Variants in IKZF1 observed in about 807,000 individuals in gnomAD.
IKZF1 encodes DNA-binding protein Ikaros.
Under a neutral mutation model 51.7 loss-of-function variants are expected in IKZF1, and 10 were observed. That is an observed-to-expected ratio of 0.19 (90% CI 0.12 to 0.33). The LOEUF (loss-of-function observed/expected upper bound fraction) is 0.33. Among genes scored for constraint, IKZF1 ranks in the 10% least tolerant of loss-of-function variants. The pLI is 1.00. For missense variants in IKZF1, 484 were observed against 707.5 expected (o/e 0.68, Z 3.58); for synonymous variants, 280 against 282.3 (o/e 0.99, Z 0.08).
At chr7:50,331,270 G>T (rs1456252715) in intron 3 of IKZF1, among the ~76,000 whole-genome samples, 1 of 151,932 alleles carries the variant, frequency 6.6e-6, no homozygotes, top group Non-Finnish European at 1.5e-5. Flanking sequence ...AAAAAAAATG[G>T]TCCAAAGAAT....
chr7:50,378,694 T>C (rs1319545331), intron 4 of IKZF1, among the ~76,000 whole-genome samples: 1 of 152,264 alleles, frequency 6.6e-6, no homozygotes, highest in African/African-American at 2.4e-5. Flanking sequence ...TGTTTGCTGC[T>C]CACTTCTCCC....
At chr7:50,325,972 C>G (rs570750778) in intron 2 of IKZF1, among the ~76,000 whole-genome samples, 1 of 152,194 alleles carries the variant, frequency 6.6e-6, no homozygotes, top group Non-Finnish European at 1.5e-5. Context: ...CAATAATGCT[C>G]TTTCTGAAAA....
intron 3 of IKZF1, among the ~76,000 whole-genome samples, chr7:50,360,833 C>T (rs1469114331): frequency 2.0e-5 from 3 of 152,204 alleles, no homozygotes; most frequent in African/African-American, 4.8e-5. Flanking sequence ...CTCTGCCCGG[C>T]GCTGCCCCAG....
At chr7:50,342,214 G>C (rs1299089893) in intron 3 of IKZF1, among the ~76,000 whole-genome samples, 2 of 152,206 alleles carry the variant, frequency 1.3e-5, no homozygotes, top group African/African-American at 4.8e-5. Context: ...TTATGTAGCT[G>C]TGTTTTAAGT....
intron 2 of IKZF1, among the ~76,000 whole-genome samples, chr7:50,324,273 A>G (rs933962246): frequency 6.6e-6 from 1 of 152,212 alleles, no homozygotes; most frequent in Non-Finnish European, 1.5e-5. Context: ...GTGAGGGATG[A>G]AAGTCTCAGC....
intron 2 of IKZF1, among the ~76,000 whole-genome samples, chr7:50,324,323 C>G (rs1794263204): frequency 6.6e-6 from 1 of 152,182 alleles, no homozygotes; most frequent in East Asian, 1.9e-4. Flanking sequence ...GCAAATCAGA[C>G]AACCTCTTAA....
rs1818361461 is a variant in IKZF1, at chr7:50,402,757, G to T, written c.*2130G>T. 8.7e-6 allele frequency: 2 copies of T among 229,894 alleles called. No individual in the cohort carries two copies. The highest frequency in any genetic ancestry group is 1.7e-5 in the Non-Finnish European group (2 of 116,030). 14.2% of individuals were successfully genotyped at this position (229,894 alleles called of 1,614,324 possible). On this transcript the variant is annotated 3_prime_UTR_variant, in exon 8 of 8. Coordinates refer to ENST00000331340, the MANE Select transcript of IKZF1 (RefSeq NM_006060.6). ...ACAAAGATACCATTCTTGAGTCATG[G>T]ATTTCTCTGCTCACAGAAGGGTGTG... is the stretch of plus-strand genomic sequence containing the variant.
chr7:50,332,018 T>G (rs1796536065), intron 3 of IKZF1, among the ~76,000 whole-genome samples: 1 of 152,212 alleles, frequency 6.6e-6, no homozygotes, highest in Non-Finnish European at 1.5e-5. Flanking sequence ...CTCTCACCTC[T>G]CTGAAGTGGT....
At chr7:50,305,460 A>G (rs1186757989) in intron 1 of IKZF1, among the ~76,000 whole-genome samples, 3 of 152,206 alleles carry the variant, frequency 2.0e-5, no homozygotes, top group South Asian at 2.1e-4. Context: ...TTGCGGTTAT[A>G]TTTGAAATGT....
Position 50,349,963 on chromosome 7 carries a change from G to A in IKZF1, c.160+22206G>A, listed in dbSNP as rs75115608. Among the ~76,000 whole-genome samples, 648 of 152,328 alleles carry A rather than the reference G, an allele frequency of 4.3e-3. 32 individuals carry two copies. The East Asian group carries it at 0.09, about 21-fold the overall frequency. Reference sequence around the variant, plus strand: ...ACTTTATAAATTCATTCAGAAAGCCGTAGGTTTGAAAATTCCAAACTTAGA... The same window carrying A: ...ACTTTATAAATTCATTCAGAAAGCCATAGGTTTGAAAATTCCAAACTTAGA... On this transcript the variant is annotated intron_variant, in intron 3 of 7. Coordinates refer to ENST00000331340, the MANE Select transcript of IKZF1 (RefSeq NM_006060.6).
At chr7:50,393,472 C>T (rs547794981) in intron 7 of IKZF1, among the ~76,000 whole-genome samples, 2 of 152,180 alleles carry the variant, frequency 1.3e-5, no homozygotes, top group Non-Finnish European at 2.9e-5. Flanking sequence ...TCCTGGGCAC[C>T]AGCCTCCCTC....
chr7:50,356,909 G>T (rs904665546), intron 3 of IKZF1, among the ~76,000 whole-genome samples: 2 of 151,848 alleles, frequency 1.3e-5, no homozygotes, highest in East Asian at 1.9e-4. Context: ...GGAAGATCAC[G>T]GGGTGGCAGA....
chr7:50,379,186 A>G (rs999246280), intron 4 of IKZF1, among the ~76,000 whole-genome samples: 2 of 152,252 alleles, frequency 1.3e-5, no homozygotes, highest in Non-Finnish European at 2.9e-5. Flanking sequence ...CTCAGGCAGC[A>G]GGGCAGTGCA....
chr7:50,325,756 CAG>C (rs1209676765), intron 2 of IKZF1, among the ~76,000 whole-genome samples: 1 of 149,676 alleles, frequency 6.7e-6, no homozygotes, highest in African/African-American at 2.5e-5. Flanking sequence ...GCCTGGGTGA[CAG>C]AGCAAGACTC....
intron 3 of IKZF1, among the ~76,000 whole-genome samples, chr7:50,341,574 T>A (rs1799079253): frequency 6.6e-6 from 1 of 152,224 alleles, no homozygotes; most frequent in Non-Finnish European, 1.5e-5. Flanking sequence ...AACTAGCATC[T>A]GTGGAACATT....
Position 50,400,758 on chromosome 7 carries a change from T to TA in IKZF1, c.*131_*132insA. 8.4e-7 allele frequency: 1 copy of TA among 1,184,274 alleles called. No homozygotes were observed. Among genetic ancestry groups the TA allele is most frequent in the Non-Finnish European group, 1.2e-6 (1 of 860,452 alleles). 73.4% of individuals were successfully genotyped at this position (1,184,274 alleles called of 1,614,324 possible). A position where few individuals can be genotyped will look rare whatever the true frequency, so the allele number is the denominator to read the frequency against. On this transcript the variant is annotated 3_prime_UTR_variant, in exon 8 of 8. Transcript: ENST00000331340. This position sits in a 1 kb window ranked among gnomAD's most constrained non-coding sequence, Gnocchi z 5.4. ...ATGTTGTGTTTGGATTTGTAACTGT[T>TA]TTTTGTTTTTTGTTTGAGTTGGTTG...
chr7:50,392,091 G>T (rs1266661184), intron 7 of IKZF1, among the ~76,000 whole-genome samples: 1 of 152,086 alleles, frequency 6.6e-6, no homozygotes, highest in Non-Finnish European at 1.5e-5. Flanking sequence ...CAGCATCTGG[G>T]GCCTGCCCTG....
chr7:50,317,216 G>C (rs936208202), intron 1 of IKZF1, among the ~76,000 whole-genome samples: 6 of 152,344 alleles, frequency 3.9e-5, no homozygotes, highest in Admixed American at 3.9e-4. Flanking sequence ...GCTGTGACAA[G>C]ATTTAACTTC....
At position 50,401,032 on chromosome 7, in the gene IKZF1, G is replaced by C; in HGVS notation, c.*405G>C. On this transcript the variant is annotated 3_prime_UTR_variant, in exon 8 of 8. Transcript: ENST00000331340. ...GCTAAGCACGGGGTTCGCGCACCAG[G>C]TGTCTTTTTCCAGTCCCCAGAAGCA... 1 of 321,270 alleles carries C rather than the reference G, an allele frequency of 3.1e-6. No homozygotes were observed. The highest frequency in any genetic ancestry group is 5.6e-5 in the East Asian group (1 of 17,988). The allele number at this position is 321,270 out of a possible 1,614,324, so 19.9% of individuals were successfully genotyped here. A position where few individuals can be genotyped will look rare whatever the true frequency, so the allele number is the denominator to read the frequency against.
Sources: gnomAD v4.1 joint callset for allele counts (sites outside exome capture counted in the v4.1 genomes callset) on GRCh38, gnomAD v4.1.1 for gene constraint, Gnocchi (gnomAD v3.1) non-coding constraint, MANE v1.5 for transcripts, NCBI Gene and HGNC (gene_info 2026-07-23, HGNC 2026-07-21) for gene names.